Variants in PDE7A observed in about 807,000 individuals in gnomAD.
PDE7A encodes phosphodiesterase 7A.
In PDE7A, 39 loss-of-function variants were observed where a neutral mutation model predicts 64.3. The ratio of observed to expected loss-of-function variants is 0.61; its 90% CI spans 0.47 to 0.79. PDE7A has a LOEUF of 0.79. Ranked by LOEUF, PDE7A falls within the 30% of genes least tolerant of loss-of-function variation. The pLI is 0.00. For missense variants in PDE7A, 470 were observed against 582.8 expected, an observed-to-expected ratio of 0.81 and a Z score of 1.99; for synonymous variants, 203 against 206.8, an observed-to-expected ratio of 0.98 and a Z score of 0.16.
At chr8:65,762,476 A>C (rs1318325015) in intron 3 of PDE7A, among the ~76,000 whole-genome samples, 1 of 152,200 alleles carries the variant, frequency 6.6e-6, no homozygotes, top group Non-Finnish European at 1.5e-5. Context: ...GGAATTAGAC[A>C]CATCTGAGTT....
chr8:65,742,328 C>G (rs2128903423), intron 5 of PDE7A, among the ~76,000 whole-genome samples: 1 of 152,274 alleles, frequency 6.6e-6, no homozygotes, highest in South Asian at 2.1e-4. Flanking sequence ...CCTCATGAAC[C>G]AGGTGGCTTT....
At chr8:65,755,804 T>C (rs1808210889) in intron 3 of PDE7A, among the ~76,000 whole-genome samples, 1 of 152,194 alleles carries the variant, frequency 6.6e-6, no homozygotes, top group South Asian at 2.1e-4. Context: ...CTTATTCTCT[T>C]TGAAATGGAG....
intron 6 of PDE7A, 147 bp from the exon 7 acceptor site, chr8:65,735,041 C>T (rs1315958935): frequency 1.6e-6 from 1 of 617,686 alleles, no homozygotes; most frequent in East Asian, 2.7e-5. Context: ...ATAATCACCT[C>T]ACAACTCACA....
chr8:65,747,584 T>C, intron 4 of PDE7A, 68 bp downstream of exon 4: 1 of 926,938 alleles, frequency 1.1e-6, no homozygotes, highest in Non-Finnish European at 1.6e-6. Context: ...ATCATTACTG[T>C]ATGGGGAATA....
chr8:65,740,579 T>A (rs990327040), intron 5 of PDE7A, among the ~76,000 whole-genome samples: 1 of 152,120 alleles, frequency 6.6e-6, no homozygotes, highest in African/African-American at 2.4e-5. Context: ...TTTTTGTATT[T>A]TTAGTAGAGA....
chr8:65,760,112 C>T (rs117587105), intron 3 of PDE7A, among the ~76,000 whole-genome samples: 4,382 of 151,830 alleles, frequency 0.029, 91 homozygotes, highest in Non-Finnish European at 0.046. Context: ...TGGTGGTGGT[C>T]GCCTGTAATA....
chr8:65,770,989 A>C, intron 3 of PDE7A: 1 of 335,698 alleles, frequency 3.0e-6, no homozygotes, highest in South Asian at 2.4e-5. Flanking sequence ...AAGAAGGCCT[A>C]TGGCAAATCC....
intron 1 of PDE7A, among the ~76,000 whole-genome samples, chr8:65,789,480 T>C (rs1809643686): frequency 1.3e-5 from 2 of 152,220 alleles, no homozygotes; most frequent in Non-Finnish European, 2.9e-5. Context: ...TTATTTCTTT[T>C]AGGGATAGAA....
At chr8:65,755,346 T>TTTTTGTTTTG (rs911570669) in intron 3 of PDE7A, among the ~76,000 whole-genome samples, 2 of 151,944 alleles carry the variant, frequency 1.3e-5, no homozygotes, top group African/African-American at 4.8e-5. Context: ...AAAATTTAGG[T>TTTTTGTTTTG]TTTTGTTTTG....
At chr8:65,732,907 G>C (rs770130515) in intron 7 of PDE7A, among the ~76,000 whole-genome samples, 2 of 151,642 alleles carry the variant, frequency 1.3e-5, no homozygotes, top group Non-Finnish European at 2.9e-5. Flanking sequence ...ATGAGGTCTT[G>C]CTATGTTGAC....
At chr8:65,828,541 T>A (rs1173756757) in intron 1 of PDE7A, among the ~76,000 whole-genome samples, 4 of 152,152 alleles carry the variant, frequency 2.6e-5, no homozygotes, top group Admixed American at 1.3e-4. Flanking sequence ...TGTTGCAAAT[T>A]GTTACCAAAA....
intron 1 of PDE7A, among the ~76,000 whole-genome samples, chr8:65,821,178 A>G (rs1810532792): frequency 6.6e-6 from 1 of 152,026 alleles, no homozygotes; most frequent in Non-Finnish European, 1.5e-5. Flanking sequence ...AAACAAAACA[A>G]AACAAAAAAA....
At chr8:65,820,108 T>C (rs1177289896) in intron 1 of PDE7A, among the ~76,000 whole-genome samples, 1 of 152,198 alleles carries the variant, frequency 6.6e-6, no homozygotes, top group African/African-American at 2.4e-5. Context: ...TTAAAAAGTA[T>C]TACATGGCCA....
rs116570427 is a variant in PDE7A, at chr8:65,808,568, T to C, written c.139-25725A>G. On this transcript the variant is annotated intron_variant, in intron 1 of 12. Transcript: ENST00000401827. ...CTAGGACTGTCGAGCTAAACACCAATGTGTTCACAATGTTATTATCTCTGG... is the reference window on the plus strand; with the variant it reads ...CTAGGACTGTCGAGCTAAACACCAACGTGTTCACAATGTTATTATCTCTGG... Among the ~76,000 whole-genome samples, 1,072 of 152,314 alleles carry C rather than the reference T, an allele frequency of 7.0e-3. 12 individuals carry two copies. The highest frequency in any genetic ancestry group is 0.025 in the African/African-American group (1,026 of 41,568).
intron 1 of PDE7A, among the ~76,000 whole-genome samples, chr8:65,834,853 A>C (rs1460385181): frequency 2.0e-5 from 3 of 152,182 alleles, no homozygotes; most frequent in African/African-American, 4.8e-5. Context: ...TTCCCTTATA[A>C]AAGGAACCTA....
At position 65,719,410 on chromosome 8, in the gene PDE7A, G is replaced by A. The variant is rs143063031; in HGVS notation, c.1329C>T (p.His443=). 20 of 1,613,790 alleles carry A rather than the reference G, an allele frequency of 1.2e-5. No individual in the cohort carries two copies. The Middle Eastern group carries it at 4.9e-4, about 40-fold the overall frequency. ...NTRLSQTMLG[H]VGLNKASWKG... is the part of the protein sequence containing the mutation. ...TCCAGCTGGCTTTATTCAGCCCCAC[G>A]TGTCCAAGCATTGTCTGGGATAGCC... The change falls in exon 13 of 13, where the codon CAC becomes CAT. Residue 443 remains histidine (H), a synonymous_variant. Transcript: ENST00000401827.
At chr8:65,737,760 C>G (rs1273094560) in intron 6 of PDE7A, among the ~76,000 whole-genome samples, 2 of 152,252 alleles carry the variant, frequency 1.3e-5, no homozygotes, top group East Asian at 1.9e-4. Context: ...CTCAAGTGAT[C>G]CACCTGCCTC....
At chr8:65,817,710 G>C (rs1810443269) in intron 1 of PDE7A, among the ~76,000 whole-genome samples, 1 of 151,144 alleles carries the variant, frequency 6.6e-6, no homozygotes, top group African/African-American at 2.4e-5. Context: ...GAACACTACA[G>C]AGGTGAAGTC....
At chr8:65,779,867 T>C (rs1809363957) in intron 2 of PDE7A, 64 bp from the exon 3 acceptor site, 4 of 993,886 alleles carry the variant, frequency 4.0e-6, no homozygotes, top group Non-Finnish European at 6.3e-6. Context: ...AGCTTCCATA[T>C]GCAACAAAGG....
Sources: allele counts gnomAD v4.1 joint callset (sites outside exome capture counted in the v4.1 genomes callset), GRCh38; gene constraint gnomAD v4.1.1; transcripts MANE v1.5; gene names NCBI Gene and HGNC (gene_info 2026-07-23, HGNC 2026-07-21).